Variants in SS18L1 observed in about 807,000 individuals in gnomAD.
SS18L1 encodes SS18L1 subunit of BAF chromatin remodeling complex, also known as calcium-responsive transactivator.
In SS18L1, 32 loss-of-function variants were observed where a neutral mutation model predicts 70.3. That is an observed-to-expected ratio of 0.46 (90% CI 0.34 to 0.61). The LOEUF is 0.61. SS18L1 is among the 20% of genes least tolerant of loss of function. The probability of loss-of-function intolerance (pLI) is 0.01; values close to 1 mark genes in which losing one functional copy is unlikely to be tolerated. For synonymous variants in SS18L1, 237 were observed against 229.7 expected, an observed-to-expected ratio of 1.03 and a Z score of -0.29; for missense variants, 430 against 542.1, an observed-to-expected ratio of 0.79 and a Z score of 2.05.
intron 1 of SS18L1, among the ~76,000 whole-genome samples, chr20:62,145,713 C>T (rs558024098): frequency 4.7e-4 from 71 of 152,270 alleles, no homozygotes; most frequent in Non-Finnish European, 8.1e-4. Context: ...TGGAAATAGG[C>T]CTTCAGTTTA....
intron 8 of SS18L1, among the ~76,000 whole-genome samples, chr20:62,170,603 C>T (rs2057513735): frequency 6.6e-6 from 1 of 152,268 alleles, no homozygotes; most frequent in South Asian, 2.1e-4. Context: ...ACGGCCTGGG[C>T]TCCCCCGAGC....
intron 8 of SS18L1, among the ~76,000 whole-genome samples, chr20:62,168,899 G>A (rs978840754): frequency 5.9e-5 from 9 of 152,202 alleles, no homozygotes; most frequent in African/African-American, 1.7e-4. Context: ...TCCTGGTGAC[G>A]GCATCAGTCA....
chr20:62,163,595 A>C lies in SS18L1; in HGVS notation c.694A>C (p.Met232Leu), dbSNP rs1320848912. ...GAGCAGCATGATGGGGCAGCGGCCC[A>C]TGGCGCCCTACCGGCCCTCCCAGCA... ...QGSSMMGQRP[M>L]APYRPSQQGS... Residue 232 changes from methionine to leucine, a missense_variant, in exon 6 of 11, where the codon ATG becomes CTG. Transcript: ENST00000331758. The C allele has an allele frequency of 6.2e-7, 1 of 1,603,118 alleles. No homozygotes were observed. Among genetic ancestry groups the C allele is most frequent in the South Asian group, 1.1e-5 (1 of 90,424 alleles).
chr20:62,166,557 A>C (rs1411160938), intron 8 of SS18L1, among the ~76,000 whole-genome samples: 1 of 152,174 alleles, frequency 6.6e-6, no homozygotes, highest in Non-Finnish European at 1.5e-5. Context: ...GAATGCCTGC[A>C]ACGTTGAAAT....
chr20:62,156,132 A>T (rs1277740960), intron 1 of SS18L1, among the ~76,000 whole-genome samples: 1 of 152,036 alleles, frequency 6.6e-6, no homozygotes, highest in Non-Finnish European at 1.5e-5. Context: ...TGCCTAATGA[A>T]GTCAGTGGCT....
Position 62,162,938 on chromosome 20 carries a change from A to C in SS18L1, c.556+7A>C, listed in dbSNP as rs1568751485. On this transcript the variant is annotated splice_region_variant and intron_variant, in intron 5 of 10. Coordinates refer to ENST00000331758, the MANE Select transcript of SS18L1 (RefSeq NM_198935.3). ...AACATGCAGTCCAACCCAGGTACCT[A>C]CTCTGCCTCTGCAACCCCGGGGGGC... The C allele has an allele frequency of 6.2e-7, 1 of 1,611,428 alleles. No individual in the cohort carries two copies. Among genetic ancestry groups the C allele is most frequent in the South Asian group, 1.1e-5 (1 of 90,844 alleles).
chr20:62,164,496 C>T (rs558022077), intron 7 of SS18L1, among the ~76,000 whole-genome samples: 48 of 152,346 alleles, frequency 3.2e-4, no homozygotes, highest in African/African-American at 1.1e-3. Context: ...CTGGCCTCCA[C>T]GCGGCCTTGC....
chr20:62,174,562 G>A lies in SS18L1; in HGVS notation c.1082G>A (p.Gly361Asp). 1 of 1,614,006 alleles carries A rather than the reference G, an allele frequency of 6.2e-7. No homozygotes were observed. The highest frequency in any genetic ancestry group is 8.5e-7 in the Non-Finnish European group (1 of 1,180,042). ...TCACAGTACCCCGGCTACCAGCAAG[G>A]CCAAGGCCAGCAGTACGGAAGCTAC... ...APSQYPGYQQGQGQQYGSYRA... is the reference protein window; with the variant it reads ...APSQYPGYQQDQGQQYGSYRA... The change falls in exon 10 of 11, where the codon GGC (glycine) becomes GAC (aspartate). Residue 361 changes from glycine to aspartate, a missense_variant. By Grantham distance (94) the Gly-to-Asp change is moderately conservative. Transcript: ENST00000331758. The surrounding 1 kb of genome is among the most constrained non-coding windows in gnomAD (Gnocchi z 4.1).
chr20:62,156,729 C>T lies in SS18L1; in HGVS notation c.70-1943C>T, dbSNP rs535713752. On this transcript the variant is annotated intron_variant, in intron 1 of 10. Coordinates refer to ENST00000331758, the MANE Select transcript of SS18L1 (RefSeq NM_198935.3). ...GGTCAAATCGCAGTTAGAGGGGCCACGTTGCAGGGTGGAGGCACAGCTGGG... is the reference window on the plus strand; with the variant it reads ...GGTCAAATCGCAGTTAGAGGGGCCATGTTGCAGGGTGGAGGCACAGCTGGG... 3.7e-4 allele frequency among the ~76,000 whole-genome samples: 57 copies of T among 152,258 alleles called. No individual in the cohort carries two copies. In the South Asian group the frequency reaches 6.2e-3, roughly 17 times the overall value.
chr20:62,150,161 T>C (rs2057101548), intron 1 of SS18L1, among the ~76,000 whole-genome samples: 1 of 152,056 alleles, frequency 6.6e-6, no homozygotes, highest in Non-Finnish European at 1.5e-5. Context: ...CATGTGTAAA[T>C]TGAGACGCTC....
At chr20:62,177,782 G>T in intron 10 of SS18L1, among the ~76,000 whole-genome samples, 1 of 152,108 alleles carries the variant, frequency 6.6e-6, no homozygotes, top group East Asian at 1.9e-4. Context: ...GAGTGCAGTG[G>T]CACGATCTCG....
At chr20:62,156,407 C>T (rs2057224274) in intron 1 of SS18L1, among the ~76,000 whole-genome samples, 1 of 152,198 alleles carries the variant, frequency 6.6e-6, no homozygotes, top group African/African-American at 2.4e-5. Context: ...CCCTGGCGGC[C>T]CCCCACCCCC....
At chr20:62,173,396 A>G (rs2057566703) in intron 9 of SS18L1, among the ~76,000 whole-genome samples, 1 of 152,258 alleles carries the variant, frequency 6.6e-6, no homozygotes, top group Admixed American at 6.5e-5. Context: ...CTTTACAGCC[A>G]TTACTAATTA....
intron 1 of SS18L1, among the ~76,000 whole-genome samples, chr20:62,157,044 C>G (rs977243175): frequency 6.7e-6 from 1 of 150,340 alleles, no homozygotes. Context: ...TCCCATACCC[C>G]CTCTCTCCTC....
chr20:62,182,451 T>G lies in SS18L1; in HGVS notation c.*3243T>G, dbSNP rs1319361120. ...ACGTATAAATTGTTTATGCTTTTGGTGTAATCTCTTAATAAACTGGTTCTT... is the reference window on the plus strand; with the variant it reads ...ACGTATAAATTGTTTATGCTTTTGGGGTAATCTCTTAATAAACTGGTTCTT... On this transcript the variant is annotated 3_prime_UTR_variant, in exon 11 of 11. Coordinates refer to ENST00000331758, the MANE Select transcript of SS18L1 (RefSeq NM_198935.3). 1 of 191,374 alleles carries G rather than the reference T, an allele frequency of 5.2e-6. No homozygotes were observed. The highest frequency in any genetic ancestry group is 2.3e-5 in the African/African-American group (1 of 42,946). The allele number at this position is 191,374 out of a possible 1,614,324, so 11.9% of individuals were successfully genotyped here.
intron 10 of SS18L1, among the ~76,000 whole-genome samples, chr20:62,177,294 G>C (rs1246856958): frequency 6.6e-6 from 1 of 151,880 alleles, no homozygotes; most frequent in Non-Finnish European, 1.5e-5. Context: ...AAAAAAAAAG[G>C]TGCTGAGGCA....
chr20:62,166,774 A>G (rs529737647), intron 8 of SS18L1, among the ~76,000 whole-genome samples: 1 of 151,360 alleles, frequency 6.6e-6, no homozygotes, highest in Admixed American at 6.6e-5. Context: ...AAAATACAAA[A>G]ATTAGTTGGA....
At chr20:62,145,241 C>T (rs1177175648) in intron 1 of SS18L1, among the ~76,000 whole-genome samples, 2 of 152,244 alleles carry the variant, frequency 1.3e-5, no homozygotes, top group African/African-American at 4.8e-5. Context: ...ATAGAAGCTA[C>T]TGGCATCCCG....
intron 8 of SS18L1, among the ~76,000 whole-genome samples, chr20:62,166,541 C>G (rs6062098): frequency 6.6e-6 from 1 of 151,982 alleles, no homozygotes. Context: ...TCACGGTGTG[C>G]GCTACGAATG....
Sources: allele counts gnomAD v4.1 joint callset (sites outside exome capture counted in the v4.1 genomes callset), GRCh38; gene constraint gnomAD v4.1.1; non-coding constraint Gnocchi (gnomAD v3.1); transcripts MANE v1.5; gene names NCBI Gene and HGNC (gene_info 2026-07-23, HGNC 2026-07-21).